SLC35D1: variants seen among roughly 807,000 people sequenced by gnomAD.
The protein encoded by SLC35D1 is nucleotide sugar transporter SLC35D1.
SLC35D1 carries 31 observed loss-of-function variants against 46.7 expected under a neutral mutation model. That is an observed-to-expected ratio of 0.66 (90% confidence interval 0.50 to 0.90). SLC35D1 has a LOEUF of 0.90. Among genes scored for constraint, SLC35D1 ranks in the 40% least tolerant of loss-of-function variants. SLC35D1 has a pLI of 0.00. For missense variants in SLC35D1, 397 were observed against 426.2 expected, an observed-to-expected ratio of 0.93 and a Z score of 0.60; for synonymous variants, 195 against 164.6, an observed-to-expected ratio of 1.18 and a Z score of -1.41.
Position 67,033,078 on chromosome 1 carries a change from CT to C in SLC35D1, c.729+9157del, listed in dbSNP as rs1377193050. On this transcript the variant is annotated intron_variant, in intron 8 of 11. Coordinates refer to ENST00000235345, the MANE Select transcript of SLC35D1 (RefSeq NM_015139.3). The stretch of plus-strand genomic sequence containing the variant: ...ATGTTGTTGCAAATTTCAGCATCTC[CT>C]TTTTTTTATGGCTGAATTGTACTCC... 3.3e-5 allele frequency among the ~76,000 whole-genome samples: 5 copies of C among 152,080 alleles called. No individual in the cohort carries two copies. The East Asian group carries it at 9.7e-4, about 29-fold the overall frequency.
chr1:67,004,958 A>C (rs1667416945), intron 11 of SLC35D1, among the ~76,000 whole-genome samples: 1 of 152,182 alleles, frequency 6.6e-6, no homozygotes. Flanking sequence ...ACAGTGGGGA[A>C]CTTATCATCT....
downstream of SLC35D1, among the ~76,000 whole-genome samples, chr1:66,997,519 A>ATATATATATATATATAT (rs1553262616): frequency 9.5e-5 from 7 of 74,070 alleles, no homozygotes; most frequent in Non-Finnish European, 1.8e-4. Context: ...AAAAAAAAAA[A>ATATATATATATATATAT]ATATATATAT....
intron 3 of SLC35D1, among the ~76,000 whole-genome samples, 172 bp from the exon 4 acceptor site, chr1:67,052,251 G>A (rs1393545100): frequency 6.6e-6 from 1 of 151,980 alleles, no homozygotes; most frequent in Non-Finnish European, 1.5e-5. Flanking sequence ...ACTTATGCTT[G>A]GATAAACAAC....
At chr1:67,053,448 G>A (rs1301467386) in intron 1 of SLC35D1, among the ~76,000 whole-genome samples, 1 of 152,182 alleles carries the variant, frequency 6.6e-6, no homozygotes, top group East Asian at 1.9e-4. Flanking sequence ...GAGGAGGGAG[G>A]CTTCCCTCGC....
At chr1:67,040,473 A>G (rs769293709) in intron 8 of SLC35D1, among the ~76,000 whole-genome samples, 1 of 152,184 alleles carries the variant, frequency 6.6e-6, no homozygotes, top group Non-Finnish European at 1.5e-5. Context: ...TTCCCCAACT[A>G]TGAAATAAGA....
chr1:67,036,680 G>A (rs1668129624), intron 8 of SLC35D1, among the ~76,000 whole-genome samples: 1 of 148,192 alleles, frequency 6.7e-6, no homozygotes. Flanking sequence ...CAAGTGAAGT[G>A]TGTGTCTTGT....
At chr1:66,986,821 C>T in the SLC35D1 span, 1 of 184,326 alleles carries the variant, frequency 5.4e-6, no homozygotes. Flanking sequence ...AGCAGATGGT[C>T]ACAATCTGTT....
chr1:67,041,177 T>TC (rs1468286265), intron 8 of SLC35D1, among the ~76,000 whole-genome samples: 1 of 152,236 alleles, frequency 6.6e-6, no homozygotes, highest in African/African-American at 2.4e-5. Flanking sequence ...CCATTTTTTT[T>TC]CACAGCCACA....
intron 8 of SLC35D1, among the ~76,000 whole-genome samples, chr1:67,024,745 C>T (rs1169501820): frequency 6.6e-6 from 1 of 152,034 alleles, no homozygotes; most frequent in Non-Finnish European, 1.5e-5. Flanking sequence ...TCCCACCCCG[C>T]CCCCCAACCT....
chr1:67,038,136 T>A (rs1018359140), intron 8 of SLC35D1, among the ~76,000 whole-genome samples: 2 of 152,200 alleles, frequency 1.3e-5, no homozygotes, highest in African/African-American at 4.8e-5. Context: ...CCACCTGTTT[T>A]ACATATGGGA....
At chr1:67,039,493 TTGTGTGTGTG>T (rs71801070) in intron 8 of SLC35D1, among the ~76,000 whole-genome samples, 2 of 148,660 alleles carry the variant, frequency 1.3e-5, no homozygotes, top group Non-Finnish European at 3.0e-5. Flanking sequence ...AGTGAAAAAA[TTGTGTGTGTG>T]TGTGTGTGTG....
chr1:66,973,276 T>C, the SLC35D1 span, among the ~76,000 whole-genome samples: 2 of 152,210 alleles, frequency 1.3e-5, no homozygotes, highest in Admixed American at 1.3e-4. Context: ...GCAATGCAAT[T>C]CTTTATAGCT....
rs2102218235 is a variant in SLC35D1, at chr1:67,000,932, C to G, written c.*3408G>C. ...TAGCTCTGTGGGGCGTCCCTAAAAT[C>G]AGTGATACTCATAACCATGCAGGCA... On this transcript the variant is annotated 3_prime_UTR_variant, in exon 12 of 12. Transcript: ENST00000235345. The G allele has an allele frequency of 6.6e-6, 1 of 152,444 alleles. No individual in the cohort carries two copies. Among genetic ancestry groups the G allele is most frequent in the East Asian group, 1.9e-4 (1 of 5,324 alleles). The allele number at this position is 152,444 out of a possible 1,614,324, so 9.4% of individuals were successfully genotyped here.
chr1:67,042,752 A>G (rs573645491), intron 7 of SLC35D1, among the ~76,000 whole-genome samples: 3 of 152,220 alleles, frequency 2.0e-5, no homozygotes, highest in Non-Finnish European at 4.4e-5. Context: ...TCAGAAGCCT[A>G]GCACAGTGTC....
At chr1:67,021,367 C>G (rs781377322) in intron 9 of SLC35D1, among the ~76,000 whole-genome samples, 168 bp downstream of exon 9, 7 of 151,982 alleles carry the variant, frequency 4.6e-5, no homozygotes, top group Non-Finnish European at 8.8e-5. Flanking sequence ...AATTCAGTAG[C>G]CCTAAGAGCA....
At chr1:66,976,311 G>A in the SLC35D1 span, among the ~76,000 whole-genome samples, 1 of 152,228 alleles carries the variant, frequency 6.6e-6, no homozygotes, top group Non-Finnish European at 1.5e-5. Flanking sequence ...CAACTTCCAA[G>A]CATTTTTAAT....
Position 67,054,062 on chromosome 1 carries a change from G to C in SLC35D1, c.-49C>G. ...GGCGGCGGGGCCTAGCGGCTCGGGG[G>C]CCTGCAGCGGCAGCTCCCAGGGGAC... is the stretch of plus-strand genomic sequence containing the variant. On this transcript the variant is annotated 5_prime_UTR_variant, in exon 1 of 12. Transcript: ENST00000235345. 6.3e-7 allele frequency: 1 copy of C among 1,584,750 alleles called. No homozygotes were observed. Among genetic ancestry groups the C allele is most frequent in the Non-Finnish European group, 8.6e-7 (1 of 1,159,800 alleles).
chr1:67,020,512 ACAAT>A (rs1315215233), intron 9 of SLC35D1, 65 bp from the exon 10 acceptor site: 9 of 1,205,300 alleles, frequency 7.5e-6, no homozygotes, highest in South Asian at 3.6e-5. Context: ...GCCAAGATAA[ACAAT>A]CAGTGTTGGC....
intron 8 of SLC35D1, among the ~76,000 whole-genome samples, chr1:67,029,581 C>T (rs1216908125): frequency 6.6e-6 from 1 of 152,188 alleles, no homozygotes; most frequent in East Asian, 1.9e-4. Flanking sequence ...AAGTGCTAAG[C>T]ACAAATACTA....
Sources: allele counts gnomAD v4.1 joint callset (sites outside exome capture counted in the v4.1 genomes callset), GRCh38; gene constraint gnomAD v4.1.1; transcripts MANE v1.5; gene names NCBI Gene and HGNC (gene_info 2026-07-23, HGNC 2026-07-21).